AMPD2: variants seen among roughly 807,000 people sequenced by gnomAD.
AMPD2 encodes the protein adenosine monophosphate deaminase 2.
A neutral mutation model predicts 91.3 loss-of-function variants in AMPD2; 52 were observed. That is an observed-to-expected ratio of 0.57 (90% CI 0.46 to 0.72). The LOEUF (loss-of-function observed/expected upper bound fraction) is 0.72, where lower values mean the gene tolerates loss of function less well. Ranked by LOEUF, AMPD2 falls within the 30% of genes least tolerant of loss-of-function variation. The pLI, the probability that AMPD2 is intolerant of heterozygous loss-of-function variation, is 0.00. For synonymous variants in AMPD2, 455 were observed against 456.4 expected (o/e 1.00, Z 0.04); for missense variants, 822 against 1,122.3 (o/e 0.73, Z 3.82).
intron 2 of AMPD2, chr1:109,622,394 C>A (rs994186175): frequency 1.6e-5 from 7 of 424,314 alleles, no homozygotes; most frequent in African/African-American, 1.0e-4. Context: ...GCCGTGGACA[C>A]CCCTGTGCCT....
rs1190273002 is a variant in AMPD2 at position 109,628,743 on chromosome 1, G to A, written c.1508G>A (p.Trp503Ter). 1 of 1,602,550 alleles carries A rather than the reference G, an allele frequency of 6.2e-7. No homozygotes were observed. The highest frequency in any genetic ancestry group is 8.5e-7 in the Non-Finnish European group (1 of 1,174,038). The change falls in exon 13 of 19, where the codon TGG becomes TAG. Residue 503 changes from tryptophan to a stop codon, truncating the protein, a stop_gained. Coordinates refer to ENST00000528667, the MANE Select transcript of AMPD2 (RefSeq NM_001368809.2). LOFTEE classifies it high-confidence loss of function. This position sits in a 1 kb window ranked among gnomAD's most constrained non-coding sequence, Gnocchi z 7.1. Reference protein sequence around the residue: ...SRDEWDKLARWAVMHRVHSPN... With the variant: ...SRDEWDKLAR ...GATGAGTGGGACAAGCTGGCGCGCTGGGCCGTCATGCACCGCGTGCACTCC... is the reference window on the plus strand; with the variant it reads ...GATGAGTGGGACAAGCTGGCGCGCTAGGCCGTCATGCACCGCGTGCACTCC...
intron 6 of AMPD2, 118 bp downstream of exon 6, chr1:109,626,545 G>T: frequency 7.7e-7 from 1 of 1,291,862 alleles, no homozygotes; most frequent in Non-Finnish European, 1.1e-6. Flanking sequence ...GCAGCTGGAG[G>T]GGCGGAGGGG....
chr1:109,627,392 G>C (rs879159729), intron 8 of AMPD2, 37 bp from the exon 9 acceptor site: 2 of 1,613,974 alleles, frequency 1.2e-6, no homozygotes, highest in Non-Finnish European at 1.7e-6. Context: ...CACAGGGCTC[G>C]GCTTGCTCTC....
chr1:109,628,943 C>A lies in AMPD2; in HGVS notation c.1571+137C>A. ...TGAGTGCAAGGAAGGGCTTCCTGGT[C>A]CCATCCATGGTCTGTCCAGCCTGGC... On this transcript the variant is annotated intron_variant, in intron 13 of 18. Transcript: ENST00000528667. The surrounding 1 kb of genome is among the most constrained non-coding windows in gnomAD (Gnocchi z 7.1). 1 of 1,430,300 alleles carries A rather than the reference C, an allele frequency of 7.0e-7. No homozygotes were observed. The highest frequency in any genetic ancestry group is 9.3e-7 in the Non-Finnish European group (1 of 1,070,918). 88.6% of individuals were successfully genotyped at this position (1,430,300 alleles called of 1,614,324 possible).
In AMPD2 at chr1:109,628,175, C is replaced by T. The variant is rs562274293; in HGVS notation, c.1173C>T (p.Ile391=). The change falls in exon 11 of 19, where the codon ATC becomes ATT. Residue 391 remains isoleucine (I), a synonymous_variant. Coordinates refer to ENST00000528667, the MANE Select transcript of AMPD2 (RefSeq NM_001368809.2). This position sits in a 1 kb window ranked among gnomAD's most constrained non-coding sequence, Gnocchi z 7.1. The part of the protein sequence containing the change: ...KRAMKRHLEE[I]VHVEQGREQT... ...CAATGAAGCGGCACCTGGAGGAGAT[C>T]GTGCACGTGGAGCAGGGCCGTGAAC... 3.0e-5 allele frequency: 48 copies of T among 1,613,938 alleles called. No individual in the cohort carries two copies. The highest frequency in any genetic ancestry group is 2.8e-4 in the Admixed American group (17 of 60,000).
chr1:109,627,351 G>A, intron 8 of AMPD2, 35 bp downstream of exon 8: 3 of 1,611,740 alleles, frequency 1.9e-6, no homozygotes, highest in African/African-American at 1.3e-5. Flanking sequence ...GGGGGATGCA[G>A]CGTGGGAGGT....
At chr1:109,620,831 G>T (rs1167047971) in intron 1 of AMPD2, 83 bp from the exon 2 acceptor site, 1 of 1,390,186 alleles carries the variant, frequency 7.2e-7, no homozygotes, top group Non-Finnish European at 9.3e-7. Flanking sequence ...ATGGGGTGAG[G>T]GCTCTTGGTG....
In AMPD2 at chr1:109,628,157, G is replaced by A. The variant is rs1450073580; in HGVS notation, c.1155G>A (p.Lys385=). The A allele has an allele frequency of 3.1e-6, 5 of 1,614,150 alleles. No homozygotes were observed. Among genetic ancestry groups the A allele is most frequent in the Non-Finnish European group, 4.2e-6 (5 of 1,180,050 alleles). Reference sequence around the variant, plus strand: ...TGCGCTTCATCAAGCGGGCAATGAAGCGGCACCTGGAGGAGATCGTGCACG... The same window carrying A: ...TGCGCTTCATCAAGCGGGCAATGAAACGGCACCTGGAGGAGATCGTGCACG... ...HLLRFIKRAM[K]RHLEEIVHVE... Residue 385 remains lysine (K), a synonymous_variant, in exon 11 of 19, where the codon AAG becomes AAA. Transcript: ENST00000528667. The surrounding 1 kb of genome is among the most constrained non-coding windows in gnomAD (Gnocchi z 7.1).
At position 109,631,151 on chromosome 1, in the gene AMPD2, G is replaced by A. The variant is rs1651232800; in HGVS notation, c.2477G>A (p.Ter826=). The change falls in exon 19 of 19, where the codon TGA becomes TAA. Residue 826 remains the stop codon, a stop_retained_variant. Coordinates refer to ENST00000528667, the MANE Select transcript of AMPD2 (RefSeq NM_001368809.2). ...ATCACCATGAGCCCAGGGCCTCAAT[G>A]AGCCTGGTCCATGAAGTGCCCACCA... is the stretch of plus-strand genomic sequence containing the variant. ...AGITMSPGPQ[*] 1 of 1,576,700 alleles carries A rather than the reference G, an allele frequency of 6.3e-7. No individual in the cohort carries two copies. Among genetic ancestry groups the A allele is most frequent in the Admixed American group, 1.9e-5 (1 of 52,866 alleles).
Position 109,621,004 on chromosome 1 carries a change from C to T in AMPD2, c.-172C>T. On this transcript the variant is annotated 5_prime_UTR_variant, in exon 2 of 19. Coordinates refer to ENST00000528667, the MANE Select transcript of AMPD2 (RefSeq NM_001368809.2). ...ATGGAGGCCCCACTCCCCGAGGTTG[C>T]CTAGACAACATGAGAAATCGTGGCC... The T allele has an allele frequency of 6.3e-7, 1 of 1,575,634 alleles. No homozygotes were observed. The highest frequency in any genetic ancestry group is 8.6e-7 in the Non-Finnish European group (1 of 1,160,192).
At chr1:109,630,470 GT>G in intron 17 of AMPD2, 64 bp downstream of exon 17, 1 of 1,251,504 alleles carries the variant, frequency 8.0e-7, no homozygotes, top group Non-Finnish European at 1.1e-6. Flanking sequence ...CCCGGGTTGG[GT>G]GGGGGGCGGT....
In AMPD2 at chr1:109,621,234, G is replaced by A. The variant is rs747586268; in HGVS notation, c.59G>A (p.Arg20Gln). 6 of 1,612,530 alleles carry A rather than the reference G, an allele frequency of 3.7e-6. No homozygotes were observed. The highest frequency in any genetic ancestry group is 1.7e-5 in the Admixed American group (1 of 59,894). ...KPKAKYPFKK[R>Q]ASLQASTAAP... ...AAGGCCAAATATCCCTTTAAGAAGCGGGCCAGCCTGCAGGCCTCCACTGCA... is the reference window on the plus strand; with the variant it reads ...AAGGCCAAATATCCCTTTAAGAAGCAGGCCAGCCTGCAGGCCTCCACTGCA... The change falls in exon 2 of 19, where the codon CGG becomes CAG. Residue 20 changes from arginine (R) to glutamine (Q), a missense_variant. Arg to Gln is a conservative substitution (Grantham distance 43, BLOSUM62 1). Coordinates refer to ENST00000528667, the MANE Select transcript of AMPD2 (RefSeq NM_001368809.2).
At chr1:109,626,055 G>A in intron 4 of AMPD2, 105 bp from the exon 5 acceptor site, 1 of 1,316,826 alleles carries the variant, frequency 7.6e-7, no homozygotes, top group Non-Finnish European at 1.1e-6. Context: ...TGCCTTTGAG[G>A]ATCACATGTG....
At position 109,626,334 on chromosome 1, in the gene AMPD2, G is replaced by A; in HGVS notation, c.438G>A (p.Gln146=). Residue 146 remains glutamine, a synonymous_variant, in exon 6 of 19, where the codon CAG becomes CAA. Coordinates refer to ENST00000528667, the MANE Select transcript of AMPD2 (RefSeq NM_001368809.2). ...CCCCCTGCAGGCTCTACAAGGAACA[G>A]GGTGAGGGGCAGGGTGACCGGAGCC... ...SDSDLQLYKE[Q]GEGQGDRSLR... is the part of the protein sequence containing the mutation. The A allele has an allele frequency of 6.2e-7, 1 of 1,613,492 alleles. No homozygotes were observed. Among genetic ancestry groups the A allele is most frequent in the South Asian group, 1.1e-5 (1 of 91,076 alleles).
chr1:109,627,647 A>G (rs1650821339), intron 9 of AMPD2, 127 bp from the exon 10 acceptor site: 1 of 1,518,362 alleles, frequency 6.6e-7, no homozygotes, highest in Non-Finnish European at 9.1e-7. Flanking sequence ...ACTTCCCCGC[A>G]GTCTACTTCC....
In AMPD2 at chr1:109,627,503, T is replaced by G. The variant is rs1650809341; in HGVS notation, c.935T>G (p.Ile312Ser). 6.2e-7 allele frequency: 1 copy of G among 1,613,882 alleles called. No homozygotes were observed. Among genetic ancestry groups the G allele is most frequent in the Non-Finnish European group, 8.5e-7 (1 of 1,179,944 alleles). ...GACGTCAATGTGCTGATGGCCCTGATTATCAATGGCCCCATGTGAGTCCCC... is the reference window on the plus strand; with the variant it reads ...GACGTCAATGTGCTGATGGCCCTGAGTATCAATGGCCCCATGTGAGTCCCC... ...VADVNVLMALIINGPIKSFCY... is the reference protein window; with the variant it reads ...VADVNVLMALSINGPIKSFCY... The change falls in exon 9 of 19, where the codon ATT (isoleucine) becomes AGT (serine). Residue 312 changes from isoleucine to serine, a missense_variant. Coordinates refer to ENST00000528667, the MANE Select transcript of AMPD2 (RefSeq NM_001368809.2).
At chr1:109,622,462 C>T in intron 2 of AMPD2, 1 of 362,834 alleles carries the variant, frequency 2.8e-6, no homozygotes, top group South Asian at 2.1e-5. Context: ...AGATGGGGTG[C>T]TCAGAATCTC....
chr1:109,627,339 TG>T lies in AMPD2; in HGVS notation c.860+29del. The T allele has an allele frequency of 1.9e-6, 3 of 1,610,266 alleles. 1 individual carries two copies. Among genetic ancestry groups the T allele is most frequent in the South Asian group, 2.2e-5 (2 of 90,794 alleles). ...GCAGTAAGAGGGGTGTGGTGCATGT[TG>T]GGGGGATGCAGCGTGGGAGGTTGCG... is the stretch of plus-strand genomic sequence containing the variant. On this transcript the variant is annotated intron_variant, in intron 8 of 18. Transcript: ENST00000528667.
chr1:109,630,650 G>A (rs1173396918), intron 17 of AMPD2, 33 bp from the exon 18 acceptor site: 3 of 1,578,534 alleles, frequency 1.9e-6, no homozygotes, highest in South Asian at 1.1e-5. Context: ...GCTGGCCAGG[G>A]CGCACTCGTC....
Sources: gnomAD v4.1 joint callset for allele counts on GRCh38, gnomAD v4.1.1 for gene constraint, Gnocchi (gnomAD v3.1) non-coding constraint, MANE v1.5 for transcripts, NCBI Gene and HGNC (gene_info 2026-07-23, HGNC 2026-07-21) for gene names.